Variants in GPM6B observed in about 807,000 individuals in gnomAD.
The protein encoded by GPM6B is glycoprotein M6B, also known as neuronal membrane glycoprotein M6-b.
In GPM6B, 4 loss-of-function variants were observed where a neutral mutation model predicts 27.2. That is an observed-to-expected ratio of 0.15 (90% CI 0.07 to 0.34). The LOEUF is 0.34. Among genes scored for constraint, GPM6B ranks in the 10% least tolerant of loss-of-function variants. The pLI is 1.00. For missense variants in GPM6B, 183 were observed against 261.9 expected (o/e 0.70, Z 2.08); for synonymous variants, 124 against 103.1 (o/e 1.20, Z -1.23).
chrX:13,868,886 G>T (rs1020030535), intron 1 of GPM6B, among the ~76,000 whole-genome samples: 1 of 111,853 alleles, frequency 8.9e-6, no homozygotes, highest in African/African-American at 3.2e-5. Context: ...TAACACTAAA[G>T]ACATTCCAAA....
chrX:13,885,433 A>T (rs1245046524), intron 1 of GPM6B, among the ~76,000 whole-genome samples: 1 of 111,790 alleles, frequency 8.9e-6, no homozygotes, highest in Non-Finnish European at 1.9e-5. Flanking sequence ...AAATAGAAGC[A>T]TTCAAAAATG....
At chrX:13,807,254 G>C (rs1289148004) in intron 2 of GPM6B, among the ~76,000 whole-genome samples, 4 of 112,367 alleles carry the variant, frequency 3.6e-5, no homozygotes, top group Non-Finnish European at 7.5e-5. Flanking sequence ...TCAGGGCCAA[G>C]GCTCCTTGAA....
At chrX:13,803,846 T>C (rs1048001707) in intron 2 of GPM6B, among the ~76,000 whole-genome samples, 1 of 111,569 alleles carries the variant, frequency 9.0e-6, no homozygotes, top group African/African-American at 3.3e-5. Context: ...AAGGTCACTG[T>C]TTTTCAAACC....
intron 1 of GPM6B, among the ~76,000 whole-genome samples, chrX:13,814,776 T>C (rs1007489574): frequency 1.8e-5 from 2 of 111,720 alleles, no homozygotes; most frequent in African/African-American, 3.3e-5. Flanking sequence ...TCAACAATTA[T>C]GGTGGGTCAC....
intron 1 of GPM6B, among the ~76,000 whole-genome samples, chrX:13,916,267 T>A (rs770416618): frequency 3.6e-5 from 4 of 112,057 alleles, no homozygotes; most frequent in Non-Finnish European, 7.5e-5. Context: ...AAGCTCACAG[T>A]GGAAGCAGTT....
At chrX:13,909,866 A>G (rs777776681) in intron 1 of GPM6B, among the ~76,000 whole-genome samples, 1 of 111,777 alleles carries the variant, frequency 8.9e-6, no homozygotes, top group South Asian at 3.8e-4. Flanking sequence ...CTGTTGAGCT[A>G]AGCTTTCTGT....
At chrX:13,817,214 G>A (rs2049253590), upstream of GPM6B, 2 of 865,611 alleles carry the variant, frequency 2.3e-6, no homozygotes, top group Non-Finnish European at 2.8e-6. Context: ...GGCTCCAGTG[G>A]GAGTTGGGGG....
chrX:13,857,633 T>A (rs1461865231), intron 1 of GPM6B, among the ~76,000 whole-genome samples: 1 of 112,539 alleles, frequency 8.9e-6, no homozygotes, highest in African/African-American at 3.2e-5. Context: ...CATAACTCAA[T>A]AGCACCTCTT....
intron 1 of GPM6B, among the ~76,000 whole-genome samples, chrX:13,878,412 A>G (rs1293723318): frequency 9.0e-6 from 1 of 111,576 alleles, no homozygotes; most frequent in African/African-American, 3.3e-5. Context: ...AAGCATTCAA[A>G]TAATTTTTAA....
chrX:13,869,968 A>G (rs1489398213), intron 1 of GPM6B, among the ~76,000 whole-genome samples: 2 of 111,878 alleles, frequency 1.8e-5, no homozygotes. Context: ...GTCTCCTTCA[A>G]TCTGTGCAAA....
At chrX:13,839,544 T>C (rs182602040) in intron 1 of GPM6B, among the ~76,000 whole-genome samples, 162 of 111,426 alleles carry the variant, frequency 1.5e-3, no homozygotes, top group African/African-American at 5.0e-3. Context: ...TCCATGCCTG[T>C]GGGACCGAGT....
chrX:13,802,981 G>A (rs1193881450), intron 2 of GPM6B, among the ~76,000 whole-genome samples: 1 of 112,030 alleles, frequency 8.9e-6, no homozygotes, highest in Non-Finnish European at 1.9e-5. Flanking sequence ...CACGCAGAAG[G>A]ATTAAGGGTT....
intron 1 of GPM6B, chrX:13,938,220 C>T: frequency 4.1e-6 from 1 of 244,115 alleles, no homozygotes; most frequent in Non-Finnish European, 7.4e-6. Flanking sequence ...CAACCCCTCC[C>T]GGGTACCCAG....
At chrX:13,869,138 T>A (rs148280388) in intron 1 of GPM6B, among the ~76,000 whole-genome samples, 2,257 of 112,281 alleles carry the variant, frequency 0.02, 60 homozygotes, top group East Asian at 0.17. Flanking sequence ...AGAATGTTAT[T>A]GGGCCACAAA....
intron 1 of GPM6B, among the ~76,000 whole-genome samples, chrX:13,850,146 G>A (rs1268335792): frequency 8.9e-6 from 1 of 112,345 alleles, no homozygotes; most frequent in African/African-American, 3.2e-5. Context: ...CAATATTGGA[G>A]ATGGGGCCCA....
chrX:13,919,514 A>G (rs1051842622), intron 1 of GPM6B, among the ~76,000 whole-genome samples: 10 of 112,404 alleles, frequency 8.9e-5, no homozygotes, highest in African/African-American at 3.2e-4. Context: ...TAGAGATCCA[A>G]ATATATTTAG....
At chrX:13,802,481 G>A (rs905850660) in intron 2 of GPM6B, among the ~76,000 whole-genome samples, 8 of 110,248 alleles carry the variant, frequency 7.3e-5, no homozygotes, top group Non-Finnish European at 1.3e-4. Context: ...CATAAACAAT[G>A]GAACGTTCAA....
intron 1 of GPM6B, among the ~76,000 whole-genome samples, chrX:13,891,132 CA>C (rs11433525): frequency 1.8e-5 from 2 of 109,729 alleles, no homozygotes; most frequent in East Asian, 2.8e-4. Flanking sequence ...CCATTACTTT[CA>C]AAAAAAAGGG....
intron 1 of GPM6B, among the ~76,000 whole-genome samples, chrX:13,809,331 G>A (rs1455932373): frequency 4.5e-5 from 5 of 112,192 alleles, no homozygotes; most frequent in African/African-American, 1.3e-4. Context: ...CTCTTCTGCT[G>A]AGGCAACAGT....
Sources: gnomAD v4.1 joint callset for allele counts (sites outside exome capture counted in the v4.1 genomes callset) on GRCh38, gnomAD v4.1.1 for gene constraint, MANE v1.5 for transcripts, NCBI Gene and HGNC (gene_info 2026-07-23, HGNC 2026-07-21) for gene names.